Variants in KIF26B observed in about 807,000 individuals in gnomAD.
KIF26B encodes the protein kinesin family member 26B.
A neutral mutation model predicts 151.2 loss-of-function variants in KIF26B; 63 were observed. The observed-to-expected ratio is 0.42, with a 90% CI of 0.34 to 0.51. The LOEUF (loss-of-function observed/expected upper bound fraction) is 0.51. Among genes scored for constraint, KIF26B ranks in the 20% least tolerant of loss-of-function variants. KIF26B has a pLI of 0.07. For synonymous variants in KIF26B, 1,357 were observed against 1,262.1 expected (o/e 1.08, Z -1.59); for missense variants, 2,813 against 2,913.6 (o/e 0.97, Z 0.79).
At chr1:245,546,503 A>G (rs184164913) in intron 5 of KIF26B, among the ~76,000 whole-genome samples, 16 of 152,304 alleles carry the variant, frequency 1.1e-4, no homozygotes, top group African/African-American at 2.6e-4. Context: ...AGATTGTCCA[A>G]TTCCTCATTA....
chr1:245,629,868 G>A (rs932496968), intron 9 of KIF26B, among the ~76,000 whole-genome samples: 5 of 149,512 alleles, frequency 3.3e-5, no homozygotes, highest in African/African-American at 1.2e-4. Flanking sequence ...CTAATATCCA[G>A]AATCTACAAG....
intron 4 of KIF26B, among the ~76,000 whole-genome samples, chr1:245,484,319 A>C (rs1190843585): frequency 6.6e-6 from 1 of 151,888 alleles, no homozygotes; most frequent in Non-Finnish European, 1.5e-5. Context: ...TTACAAATGC[A>C]GATGAAGAGC....
intron 2 of KIF26B, among the ~76,000 whole-genome samples, chr1:245,333,993 C>T (rs975434456): frequency 2.0e-5 from 3 of 150,760 alleles, no homozygotes; most frequent in Non-Finnish European, 2.9e-5. Flanking sequence ...AGTGAGACTC[C>T]GTGTCAAAAA....
intron 5 of KIF26B, among the ~76,000 whole-genome samples, chr1:245,598,569 C>T (rs1427871991): frequency 3.3e-5 from 5 of 152,212 alleles, no homozygotes; most frequent in East Asian, 1.9e-4. Flanking sequence ...TGAGAGATGA[C>T]GGGGCTGCTC....
At chr1:245,282,521 G>A (rs7518874) in intron 2 of KIF26B, among the ~76,000 whole-genome samples, 1 of 151,954 alleles carries the variant, frequency 6.6e-6, no homozygotes, top group South Asian at 2.1e-4. Context: ...CCGCCCCCAC[G>A]TATCCCCAAG....
chr1:245,498,848 C>T (rs963166129), intron 4 of KIF26B, among the ~76,000 whole-genome samples: 16 of 152,192 alleles, frequency 1.1e-4, no homozygotes, highest in African/African-American at 3.6e-4. Context: ...CTCTCTCTTC[C>T]CTACCTGTGT....
intron 3 of KIF26B, among the ~76,000 whole-genome samples, chr1:245,404,964 T>C (rs886645203): frequency 6.6e-6 from 1 of 152,216 alleles, no homozygotes; most frequent in African/African-American, 2.4e-5. Context: ...AGTCAAAACA[T>C]TACTACACTT....
chr1:245,303,197 CTTTTTTTTTT>C (rs757473264), intron 2 of KIF26B, among the ~76,000 whole-genome samples: 1 of 102,610 alleles, frequency 9.7e-6, no homozygotes, highest in Admixed American at 1.1e-4. Context: ...ACTAAATGTT[CTTTTTTTTTT>C]TTTTTTTTTG....
At chr1:245,699,149 C>A in intron 14 of KIF26B, 112 bp downstream of exon 14, 1 of 1,147,274 alleles carries the variant, frequency 8.7e-7, no homozygotes, top group Non-Finnish European at 1.3e-6. Flanking sequence ...TCCTCAGTCA[C>A]AGGATGCCCA....
chr1:245,623,041 T>G (rs1015356539), intron 9 of KIF26B, among the ~76,000 whole-genome samples: 4,296 of 145,974 alleles, frequency 0.029, 105 homozygotes, highest in South Asian at 0.056. Flanking sequence ...TTTTTTTTTT[T>G]TTTTTTTTTT....
At chr1:245,400,595 C>T (rs528792766) in intron 3 of KIF26B, among the ~76,000 whole-genome samples, 2 of 150,900 alleles carry the variant, frequency 1.3e-5, no homozygotes, top group South Asian at 2.1e-4. Flanking sequence ...AGCATTGAGA[C>T]GTGGCTAGTC....
intron 4 of KIF26B, among the ~76,000 whole-genome samples, chr1:245,527,273 G>A (rs7529544): frequency 0.067 from 10,253 of 152,152 alleles, 1,067 homozygotes; most frequent in African/African-American, 0.22. Context: ...AAAGATATAC[G>A]TACATATTTT....
chr1:245,253,800 CTTTTTTTTTTTTTTT>C (rs5782330), intron 2 of KIF26B, among the ~76,000 whole-genome samples: 2 of 72,172 alleles, frequency 2.8e-5, no homozygotes, highest in East Asian at 4.1e-4. Context: ...TGAAGTCCTG[CTTTTTTTTTTTTTTT>C]TTTTTTTTTT....
intron 2 of KIF26B, among the ~76,000 whole-genome samples, chr1:245,280,242 G>A (rs1052595753): frequency 5.3e-5 from 8 of 151,824 alleles, no homozygotes; most frequent in African/African-American, 1.7e-4. Context: ...GGCCGGGTGC[G>A]GTGGCTCACG....
intron 10 of KIF26B, chr1:245,676,465 C>A (rs1416759931): frequency 6.6e-6 from 1 of 152,220 alleles, no homozygotes; most frequent in African/African-American, 2.4e-5. Flanking sequence ...AGGATTTTGA[C>A]TTGAAACCTT....
intron 3 of KIF26B, among the ~76,000 whole-genome samples, chr1:245,402,554 T>C (rs968395772): frequency 6.6e-6 from 1 of 152,192 alleles, no homozygotes; most frequent in African/African-American, 2.4e-5. Flanking sequence ...AAATTGATAG[T>C]CTGTAAACTA....
At chr1:245,458,050 G>A (rs1394407227) in intron 4 of KIF26B, among the ~76,000 whole-genome samples, 1 of 152,186 alleles carries the variant, frequency 6.6e-6, no homozygotes, top group Non-Finnish European at 1.5e-5. Context: ...GTTAATATTT[G>A]TGAGTGCTTC....
chr1:245,500,245 G>A (rs1007950601), intron 4 of KIF26B, among the ~76,000 whole-genome samples: 2 of 152,222 alleles, frequency 1.3e-5, no homozygotes, highest in Admixed American at 1.3e-4. Flanking sequence ...CTGTAAGCTT[G>A]ACTGGCTGAG....
rs12022314 is a variant in KIF26B, at chr1:245,310,374, A to G, written c.466-56460A>G. On this transcript the variant is annotated intron_variant, in intron 2 of 14. Transcript: ENST00000407071. The stretch of plus-strand genomic sequence containing the variant: ...GGGAGGGTTTTGTTTTCCCTTATCC[A>G]TTAACTTTATTCTTAAAATAACAAT... Among the ~76,000 whole-genome samples, 412 of 152,194 alleles carry G rather than the reference A, an allele frequency of 2.7e-3. 8 individuals are homozygous for G. The East Asian group carries it at 0.05, about 19-fold the overall frequency.
Sources: allele counts gnomAD v4.1 joint callset (sites outside exome capture counted in the v4.1 genomes callset), GRCh38; gene constraint gnomAD v4.1.1; transcripts MANE v1.5; gene names NCBI Gene and HGNC (gene_info 2026-07-23, HGNC 2026-07-21).